The following NCKAP5 variants were observed in gnomAD, a reference collection of about 807,000 sequenced individuals.
NCKAP5 encodes NCK associated protein 5.
NCKAP5 carries 92 observed loss-of-function variants against 167.0 expected under a neutral mutation model. The observed-to-expected ratio is 0.55, with a 90% CI of 0.47 to 0.66. The LOEUF is 0.66. Ranked by LOEUF, NCKAP5 falls within the 30% of genes least tolerant of loss-of-function variation. The pLI is 0.00. For synonymous variants in NCKAP5, 891 were observed against 877.4 expected (o/e 1.02, Z -0.27); for missense variants, 2,378 against 2,315.0 (o/e 1.03, Z -0.56).
the NCKAP5 span, among the ~76,000 whole-genome samples, chr2:133,659,898 G>A: frequency 6.6e-6 from 1 of 151,910 alleles, no homozygotes; most frequent in Non-Finnish European, 1.5e-5. Flanking sequence ...TATTATATAT[G>A]CATATTATAC....
intron 19 of NCKAP5, among the ~76,000 whole-genome samples, chr2:132,725,052 A>G (rs1690315123): frequency 6.6e-6 from 1 of 152,188 alleles, no homozygotes; most frequent in African/African-American, 2.4e-5. Flanking sequence ...CCCAGATCAC[A>G]TTTTGTGTTA....
chr2:133,596,891 G>A, the NCKAP5 span, among the ~76,000 whole-genome samples: 2 of 152,212 alleles, frequency 1.3e-5, no homozygotes, highest in Non-Finnish European at 2.9e-5. Context: ...TCAGACCAGT[G>A]AGAATTCCTC....
chr2:133,501,014 C>G (rs1559531072), intron 3 of NCKAP5, among the ~76,000 whole-genome samples: 1 of 152,196 alleles, frequency 6.6e-6, no homozygotes, highest in Non-Finnish European at 1.5e-5. Flanking sequence ...CCTGCAGGAC[C>G]TCATCCTGTG....
chr2:133,591,538 G>T, the NCKAP5 span, among the ~76,000 whole-genome samples: 1 of 152,172 alleles, frequency 6.6e-6, no homozygotes, highest in East Asian at 1.9e-4. Context: ...GAAAATCCTG[G>T]TCGTCTAAAA....
At chr2:133,656,353 C>T in the NCKAP5 span, among the ~76,000 whole-genome samples, 3 of 152,128 alleles carry the variant, frequency 2.0e-5, no homozygotes, top group Non-Finnish European at 2.9e-5. Context: ...AACACAGTAG[C>T]TATTATTATG....
chr2:132,861,126 C>T (rs74391265), intron 10 of NCKAP5, among the ~76,000 whole-genome samples: 6,826 of 151,896 alleles, frequency 0.045, 177 homozygotes, highest in East Asian at 0.1. Context: ...GAAATAGCTC[C>T]GAAGAGATGG....
At chr2:132,812,555 C>G (rs1685961223) in intron 11 of NCKAP5, among the ~76,000 whole-genome samples, 1 of 152,146 alleles carries the variant, frequency 6.6e-6, no homozygotes, top group Non-Finnish European at 1.5e-5. Context: ...AGGTGCTCAT[C>G]AGACAGGCGG....
chr2:132,697,554 T>G (rs7591904), intron 19 of NCKAP5, among the ~76,000 whole-genome samples: 12,844 of 151,876 alleles, frequency 0.085, 1,688 homozygotes, highest in African/African-American at 0.28. Flanking sequence ...TGTTTTCTGT[T>G]GAGCCTTTGT....
chr2:133,432,664 G>A (rs1690234891), intron 3 of NCKAP5, among the ~76,000 whole-genome samples: 3 of 152,092 alleles, frequency 2.0e-5, no homozygotes, highest in Non-Finnish European at 4.4e-5. Flanking sequence ...TAATACTCCT[G>A]CAAGACTATG....
At chr2:132,779,854 G>GA (rs1164921909) in intron 15 of NCKAP5, among the ~76,000 whole-genome samples, 1 of 152,084 alleles carries the variant, frequency 6.6e-6, no homozygotes, top group Non-Finnish European at 1.5e-5. Flanking sequence ...AATGACCCCA[G>GA]AAAATAATGC....
intron 6 of NCKAP5, among the ~76,000 whole-genome samples, chr2:133,104,779 T>G (rs536807649): frequency 6.6e-6 from 1 of 152,348 alleles, no homozygotes; most frequent in South Asian, 2.1e-4. Flanking sequence ...CTGTTTCCTT[T>G]AGGACTTTTA....
intron 5 of NCKAP5, among the ~76,000 whole-genome samples, chr2:133,191,884 G>A (rs187594731): frequency 0.014 from 2,093 of 151,978 alleles, 29 homozygotes; most frequent in Non-Finnish European, 0.022. Flanking sequence ...AAACCTGCAC[G>A]TTGTGCACAT....
the NCKAP5 span, among the ~76,000 whole-genome samples, chr2:133,578,869 T>G: frequency 6.6e-6 from 1 of 152,240 alleles, no homozygotes; most frequent in Non-Finnish European, 1.5e-5. Context: ...TGTTTGTTCT[T>G]AGATAACTGG....
At chr2:132,946,287 A>G (rs540482210) in intron 8 of NCKAP5, among the ~76,000 whole-genome samples, 11 of 152,192 alleles carry the variant, frequency 7.2e-5, no homozygotes, top group Non-Finnish European at 1.6e-4. Flanking sequence ...TAGAGCCAAT[A>G]TGAGTGACCT....
At position 133,032,973 on chromosome 2, in the gene NCKAP5, T is replaced by C. The variant is rs528406026; in HGVS notation, c.342-38734A>G. 2.7e-4 allele frequency among the ~76,000 whole-genome samples: 41 copies of C among 152,286 alleles called. No individual in the cohort carries two copies. The Middle Eastern group carries it at 0.014, about 51-fold the overall frequency. ...TCATGAGAAGAGCAAGGGGAAAATC[T>C]GCCTCCATGATCCAATCACTTCCCA... On this transcript the variant is annotated intron_variant, in intron 6 of 19. Coordinates refer to ENST00000409261, the MANE Select transcript of NCKAP5 (RefSeq NM_207363.3).
At chr2:133,129,952 GCAAT>G in intron 6 of NCKAP5, 22 bp downstream of exon 6, 1 of 1,569,970 alleles carries the variant, frequency 6.4e-7, no homozygotes, top group Non-Finnish European at 8.6e-7. Context: ...ACCTCAGGAA[GCAAT>G]CTGCTCAGCT....
At chr2:133,390,670 C>T (rs1434863235) in intron 3 of NCKAP5, among the ~76,000 whole-genome samples, 3 of 152,252 alleles carry the variant, frequency 2.0e-5, no homozygotes, top group Admixed American at 2.0e-4. Flanking sequence ...TGGTTCTTAA[C>T]CCTCACTGCA....
chr2:132,834,635 G>A lies in NCKAP5; in HGVS notation c.807+25857C>T, dbSNP rs561312163. ...GCTGGGATTACAGGCGTGAGCCACCGCACCCAGCCAACTTTTTTTAAATTT... is the reference window on the plus strand; with the variant it reads ...GCTGGGATTACAGGCGTGAGCCACCACACCCAGCCAACTTTTTTTAAATTT... On this transcript the variant is annotated intron_variant, in intron 11 of 19. Coordinates refer to ENST00000409261, the MANE Select transcript of NCKAP5 (RefSeq NM_207363.3). Among the ~76,000 whole-genome samples the A allele has an allele frequency of 9.3e-4, 141 of 152,122 alleles. 1 individual carries two copies. Among genetic ancestry groups the A allele is most frequent in the African/African-American group, 3.2e-3 (134 of 41,522 alleles).
At chr2:132,936,323 C>A (rs189855489) in intron 8 of NCKAP5, among the ~76,000 whole-genome samples, 4 of 152,176 alleles carry the variant, frequency 2.6e-5, no homozygotes, top group East Asian at 3.9e-4. Context: ...GTCATAGAAA[C>A]AACCTAAATC....
Sources: gnomAD v4.1 joint callset for allele counts (sites outside exome capture counted in the v4.1 genomes callset) on GRCh38, gnomAD v4.1.1 for gene constraint, MANE v1.5 for transcripts, NCBI Gene and HGNC (gene_info 2026-07-23, HGNC 2026-07-21) for gene names.